Variants in SLC13A3 observed in about 807,000 individuals in gnomAD.
The protein encoded by SLC13A3 is Na(+)/dicarboxylate cotransporter 3.
SLC13A3 carries 40 observed loss-of-function variants against 59.0 expected under a neutral mutation model. That is an observed-to-expected ratio of 0.68 (90% CI 0.53 to 0.88). The LOEUF (loss-of-function observed/expected upper bound fraction) is 0.88, where lower values mean the gene tolerates loss of function less well. Ranked by LOEUF, SLC13A3 falls within the 40% of genes least tolerant of loss-of-function variation. The pLI is 0.00. For missense variants in SLC13A3, 699 were observed against 783.2 expected (o/e 0.89, Z 1.28); for synonymous variants, 317 against 330.3 (o/e 0.96, Z 0.44).
At chr20:46,568,047 A>G (rs1466694504) in intron 10 of SLC13A3, among the ~76,000 whole-genome samples, 1 of 152,172 alleles carries the variant, frequency 6.6e-6, no homozygotes, top group Non-Finnish European at 1.5e-5. Context: ...TTTACTTTTA[A>G]TAGAAAAGTC....
At chr20:46,572,450 C>T (rs570435819) in intron 10 of SLC13A3, among the ~76,000 whole-genome samples, 7 of 152,218 alleles carry the variant, frequency 4.6e-5, no homozygotes, top group Non-Finnish European at 8.8e-5. Context: ...TGCCCAGCGT[C>T]CCGCAGCCCA....
chr20:46,682,014 T>C (rs530648768), intron 1 of SLC13A3: 1 of 152,316 alleles, frequency 6.6e-6, no homozygotes, highest in South Asian at 2.1e-4. Context: ...ACACATGAAA[T>C]ACGGGGAACA....
intron 1 of SLC13A3, among the ~76,000 whole-genome samples, chr20:46,633,926 G>C (rs557221282): frequency 6.6e-6 from 1 of 152,356 alleles, no homozygotes; most frequent in South Asian, 2.1e-4. Flanking sequence ...AAAGCACACA[G>C]AGGTTTGGCA....
intron 10 of SLC13A3, among the ~76,000 whole-genome samples, chr20:46,574,740 G>C (rs1439302434): frequency 6.6e-6 from 1 of 152,070 alleles, no homozygotes; most frequent in Non-Finnish European, 1.5e-5. Flanking sequence ...TGTGTCTCAA[G>C]TTCTTTATCT....
chr20:46,622,076 C>T (rs1600573808), intron 1 of SLC13A3, among the ~76,000 whole-genome samples: 1 of 152,198 alleles, frequency 6.6e-6, no homozygotes, highest in Non-Finnish European at 1.5e-5. Flanking sequence ...CCTGAGAAGA[C>T]GGACCCCATT....
chr20:46,614,114 A>C (rs2062531725), intron 1 of SLC13A3, among the ~76,000 whole-genome samples: 3 of 152,208 alleles, frequency 2.0e-5, no homozygotes, highest in African/African-American at 7.2e-5. Flanking sequence ...AATGAAACAG[A>C]AGGAAGCCAA....
chr20:46,642,210 C>T (rs1258335152), intron 1 of SLC13A3, among the ~76,000 whole-genome samples: 1 of 152,140 alleles, frequency 6.6e-6, no homozygotes, highest in Admixed American at 6.5e-5. Flanking sequence ...GTTTATCATA[C>T]CCAAATAAAA....
intron 9 of SLC13A3, among the ~76,000 whole-genome samples, chr20:46,579,009 A>G (rs750982340): frequency 2.6e-5 from 4 of 152,198 alleles, no homozygotes; most frequent in Non-Finnish European, 5.9e-5. Flanking sequence ...GAGAAATGCA[A>G]GTGCAACTCA....
intron 1 of SLC13A3, among the ~76,000 whole-genome samples, chr20:46,637,512 A>G (rs1285659904): frequency 2.0e-5 from 3 of 152,170 alleles, no homozygotes; most frequent in African/African-American, 7.2e-5. Flanking sequence ...GAGGAGGTCA[A>G]GAGGATTCAA....
intron 1 of SLC13A3, among the ~76,000 whole-genome samples, chr20:46,614,681 T>C (rs972387943): frequency 6.6e-6 from 1 of 152,324 alleles, no homozygotes. Context: ...GATGTAGGTA[T>C]GATTATTACC....
At position 46,560,126 on chromosome 20, in the gene SLC13A3, T is replaced by A; in HGVS notation, c.1705A>T (p.Thr569Ser). ...GGGAAGGTGCCCAGCTGGAAGATGG[T>A]CTGTGCCCAGGTATTCATAGCCAAA... is the stretch of plus-strand genomic sequence containing the variant. Reference protein sequence around the residue: ...LSLAMNTWAQTIFQLGTFPDW... With the variant: ...LSLAMNTWAQSIFQLGTFPDW... Residue 569 changes from threonine to serine, a missense_variant, in exon 13 of 13, where the codon ACC becomes TCC. Physicochemically the swap from Thr to Ser is moderately conservative, Grantham distance 58 (BLOSUM62 1). Coordinates refer to ENST00000279027, the MANE Select transcript of SLC13A3 (RefSeq NM_022829.6). 1 of 1,613,966 alleles carries A rather than the reference T, an allele frequency of 6.2e-7. No individual in the cohort carries two copies. Among genetic ancestry groups the A allele is most frequent in the Admixed American group, 1.7e-5 (1 of 59,998 alleles).
At chr20:46,643,557 G>C (rs1233709979) in intron 1 of SLC13A3, among the ~76,000 whole-genome samples, 2 of 152,104 alleles carry the variant, frequency 1.3e-5, no homozygotes, top group African/African-American at 4.8e-5. Context: ...GGTGGAGTGG[G>C]GTTGGAAGAT....
At chr20:46,640,627 C>T (rs2062838363) in intron 1 of SLC13A3, among the ~76,000 whole-genome samples, 2 of 152,192 alleles carry the variant, frequency 1.3e-5, no homozygotes, top group Non-Finnish European at 2.9e-5. Context: ...GCCCACTTTG[C>T]AGATGAATAA....
chr20:46,567,715 G>A (rs961983996), intron 10 of SLC13A3, among the ~76,000 whole-genome samples: 4 of 152,098 alleles, frequency 2.6e-5, no homozygotes, highest in African/African-American at 9.7e-5. Context: ...ATTTACCAGT[G>A]TATAACATCT....
intron 8 of SLC13A3, among the ~76,000 whole-genome samples, chr20:46,586,283 C>T (rs890961363): frequency 6.6e-6 from 1 of 152,138 alleles, no homozygotes; most frequent in African/African-American, 2.4e-5. Context: ...GACACAGTGC[C>T]CACTCACGCT....
intron 12 of SLC13A3, among the ~76,000 whole-genome samples, chr20:46,560,726 A>T (rs549349275): frequency 3.3e-4 from 50 of 152,262 alleles, no homozygotes; most frequent in Admixed American, 2.6e-3. Context: ...AGGTAGTCCT[A>T]GTCAAGACTA....
intron 8 of SLC13A3, among the ~76,000 whole-genome samples, chr20:46,586,802 G>A (rs1180170708): frequency 6.6e-6 from 1 of 152,136 alleles, no homozygotes; most frequent in Non-Finnish European, 1.5e-5. Context: ...CAGACCAGGG[G>A]TCAGCAAATG....
chr20:46,616,695 G>A (rs1421971312), intron 1 of SLC13A3, among the ~76,000 whole-genome samples: 5 of 152,222 alleles, frequency 3.3e-5, no homozygotes, highest in Non-Finnish European at 5.9e-5. Flanking sequence ...GGGAAGCAGT[G>A]GCACAATAAA....
intron 1 of SLC13A3, among the ~76,000 whole-genome samples, chr20:46,668,359 C>G (rs965027786): frequency 2.6e-5 from 4 of 152,186 alleles, no homozygotes; most frequent in African/African-American, 9.7e-5. Context: ...AGCAAAACAG[C>G]CTTATTCCTG....
Sources: gnomAD v4.1 joint callset for allele counts (sites outside exome capture counted in the v4.1 genomes callset) on GRCh38, gnomAD v4.1.1 for gene constraint, MANE v1.5 for transcripts, NCBI Gene and HGNC (gene_info 2026-07-23, HGNC 2026-07-21) for gene names.